NAA11: variants seen among roughly 807,000 people sequenced by gnomAD.
NAA11 encodes the protein N-alpha-acetyltransferase 11.
Under a neutral mutation model 16.1 loss-of-function variants are expected in NAA11, and 15 were observed. That is an observed-to-expected ratio of 0.93 (90% CI 0.62 to 1.44). NAA11 has a LOEUF of 1.44. NAA11 is among the 40% of genes most tolerant of loss of function. NAA11 has a pLI of 0.00. For synonymous variants in NAA11, 122 were observed against 112.4 expected (o/e 1.09, Z -0.54); for missense variants, 298 against 291.3 (o/e 1.02, Z -0.17).
At chr4:79,260,996 T>G (rs1453663030) in intron 2 of NAA11, among the ~76,000 whole-genome samples, 1 of 152,236 alleles carries the variant, frequency 6.6e-6, no homozygotes, top group Non-Finnish European at 1.5e-5. Context: ...ATGTCATTTT[T>G]TAGAACTATA....
chr4:79,277,901 T>C (rs1389017048), intron 2 of NAA11, among the ~76,000 whole-genome samples: 6 of 151,480 alleles, frequency 4.0e-5, no homozygotes, highest in African/African-American at 9.7e-5. Context: ...CCCTTCTACA[T>C]AGAAGTAACT....
chr4:79,177,067 T>G, the NAA11 span, among the ~76,000 whole-genome samples: 2 of 152,100 alleles, frequency 1.3e-5, no homozygotes, highest in African/African-American at 4.8e-5. Flanking sequence ...GAAATGAGGT[T>G]GTTGTCTCAC....
rs371365471 is a variant in NAA11 at position 79,262,100 on chromosome 4, G to A, written c.*122+31905C>T. ...TGGGAATAAAGTGGTCAATGGATTC[G>A]TACCCAGTCTTTAAGCAATTCTAAT... is the stretch of plus-strand genomic sequence containing the variant. On this transcript the variant is annotated intron_variant and NMD_transcript_variant, in intron 2 of 2. Coordinates refer to the NAA11 transcript ENST00000511542. Among the ~76,000 whole-genome samples, 32 of 152,186 alleles carry A rather than the reference G, an allele frequency of 2.1e-4. No homozygotes were observed. The East Asian group carries it at 4.1e-3, about 19-fold the overall frequency.
At chr4:79,323,483 G>A (rs536721831) in intron 1 of NAA11, among the ~76,000 whole-genome samples, 1 of 151,724 alleles carries the variant, frequency 6.6e-6, no homozygotes, top group East Asian at 2.0e-4. Flanking sequence ...TCAGGAGTTC[G>A]AGACCAGCCT....
chr4:79,275,846 C>A (rs1448496844), intron 2 of NAA11, among the ~76,000 whole-genome samples: 2 of 152,082 alleles, frequency 1.3e-5, no homozygotes, highest in African/African-American at 4.8e-5. Context: ...ATGCTGTAAG[C>A]AACATCGTAA....
chr4:79,230,604 A>G (rs898784943), intron 2 of NAA11, among the ~76,000 whole-genome samples: 1 of 152,002 alleles, frequency 6.6e-6, no homozygotes, highest in Admixed American at 6.6e-5. Flanking sequence ...TTTTGTGAAG[A>G]AATTATCAGA....
chr4:79,292,405 A>G (rs1723107366), intron 2 of NAA11, among the ~76,000 whole-genome samples: 1 of 152,220 alleles, frequency 6.6e-6, no homozygotes, highest in African/African-American at 2.4e-5. Flanking sequence ...TGTTCCTTAC[A>G]TATATGACCA....
the NAA11 span, among the ~76,000 whole-genome samples, chr4:79,219,444 G>A: frequency 3.9e-5 from 6 of 152,124 alleles, no homozygotes; most frequent in Non-Finnish European, 7.4e-5. Context: ...ATAGAAAGCT[G>A]TTTTTTAATC....
the NAA11 span, among the ~76,000 whole-genome samples, chr4:79,156,313 A>ATG: frequency 5.8e-3 from 498 of 86,070 alleles, 2 homozygotes; most frequent in South Asian, 9.6e-3. Flanking sequence ...ATGGGATGTG[A>ATG]TGTGTGTGTG....
At chr4:79,250,225 T>C (rs1364408561) in intron 2 of NAA11, among the ~76,000 whole-genome samples, 1 of 152,238 alleles carries the variant, frequency 6.6e-6, no homozygotes, top group African/African-American at 2.4e-5. Flanking sequence ...GCAGGAGTTT[T>C]TGCAAACTCC....
chr4:79,246,898 A>G (rs1406024340), intron 2 of NAA11, among the ~76,000 whole-genome samples: 1 of 152,236 alleles, frequency 6.6e-6, no homozygotes, highest in Admixed American at 6.5e-5. Context: ...CAAGGGAATC[A>G]GAGCTAGTCC....
chr4:79,240,557 G>A (rs1259531727), intron 2 of NAA11, among the ~76,000 whole-genome samples: 1 of 152,128 alleles, frequency 6.6e-6, no homozygotes, highest in Admixed American at 6.5e-5. Flanking sequence ...TTGCATTTCG[G>A]TTGTTTATGG....
At chr4:79,173,634 C>T in the NAA11 span, among the ~76,000 whole-genome samples, 1 of 151,984 alleles carries the variant, frequency 6.6e-6, no homozygotes, top group African/African-American at 2.4e-5. Flanking sequence ...ATGAGAGTTT[C>T]AGATACTGAG....
At chr4:79,165,641 T>C in the NAA11 span, among the ~76,000 whole-genome samples, 7 of 152,320 alleles carry the variant, frequency 4.6e-5, no homozygotes, top group Non-Finnish European at 8.8e-5. Context: ...TTTCACCCAA[T>C]GTTCTTCTTT....
chr4:79,262,575 G>C (rs1390272975), intron 2 of NAA11, among the ~76,000 whole-genome samples: 2 of 152,092 alleles, frequency 1.3e-5, no homozygotes, highest in East Asian at 3.8e-4. Context: ...TCTAACTTTT[G>C]CAAGTATTCT....
At position 79,233,106 on chromosome 4, in the gene NAA11, T is replaced by A. The variant is rs77417109; in HGVS notation, c.*123-6836A>T. Among the ~76,000 whole-genome samples, 831 of 151,934 alleles carry A rather than the reference T, an allele frequency of 5.5e-3. 9 individuals are homozygous for A. The highest frequency in any genetic ancestry group is 0.018 in the African/African-American group (766 of 41,504). ...TGGCCTTAGTCATTATTAGCTAAGT[T>A]TTTTTTTCCTGTTTTTTAACTTGTA... On this transcript the variant is annotated intron_variant and NMD_transcript_variant, in intron 2 of 2. Transcript: ENST00000511542.
intron 2 of NAA11, among the ~76,000 whole-genome samples, chr4:79,246,996 G>C (rs1336101990): frequency 6.6e-6 from 1 of 152,228 alleles, no homozygotes; most frequent in African/African-American, 2.4e-5. Flanking sequence ...TCAAGGGCTG[G>C]AGGAAGCTGG....
exon 3 of NAA11, chr4:79,225,834 G>A (rs188997304): frequency 7.9e-5 from 12 of 152,128 alleles, no homozygotes; most frequent in African/African-American, 2.9e-4. Context: ...AGGCATAGGG[G>A]GATCTCCCGT....
chr4:79,283,048 T>G (rs1417163385), intron 2 of NAA11, among the ~76,000 whole-genome samples: 1 of 152,076 alleles, frequency 6.6e-6, no homozygotes, highest in Non-Finnish European at 1.5e-5. Flanking sequence ...GAGAAGTCTC[T>G]AAATATAAGA....
Sources: allele counts gnomAD v4.1 joint callset (sites outside exome capture counted in the v4.1 genomes callset), GRCh38; gene constraint gnomAD v4.1.1; transcripts MANE v1.5; gene names NCBI Gene and HGNC (gene_info 2026-07-23, HGNC 2026-07-21).